BRD4: variants seen among roughly 807,000 people sequenced by gnomAD.
The protein encoded by BRD4 is bromodomain containing 4.
In BRD4, 16 loss-of-function variants were observed where a neutral mutation model predicts 142.1. The observed-to-expected ratio is 0.11, with a 90% confidence interval of 0.08 to 0.17. The LOEUF is 0.17. BRD4 is among the 10% of genes least tolerant of loss of function. The pLI is 1.00. For missense variants in BRD4, 1,424 were observed against 1,810.9 expected, an observed-to-expected ratio of 0.79 and a Z score of 3.88; for synonymous variants, 833 against 707.5, an observed-to-expected ratio of 1.18 and a Z score of -2.82.
intron 1 of BRD4, among the ~76,000 whole-genome samples, chr19:15,301,457 A>C (rs1305758347): frequency 6.6e-6 from 1 of 152,104 alleles, no homozygotes; most frequent in African/African-American, 2.4e-5. Flanking sequence ...GGTACTCAGG[A>C]GGCTGAAGCA....
intron 1 of BRD4, among the ~76,000 whole-genome samples, chr19:15,305,143 C>A (rs920649573): frequency 3.9e-5 from 6 of 151,904 alleles, no homozygotes; most frequent in Admixed American, 2.6e-4. Flanking sequence ...CTCAGCCTCC[C>A]GAGTAGCTGG....
chr19:15,271,942 T>C (rs557351349), intron 2 of BRD4, among the ~76,000 whole-genome samples: 3 of 151,950 alleles, frequency 2.0e-5, no homozygotes, highest in African/African-American at 7.3e-5. Context: ...CACACACCAG[T>C]GGCTCTGGTG....
chr19:15,325,299 T>A (rs997377602), intron 1 of BRD4, among the ~76,000 whole-genome samples: 3 of 152,186 alleles, frequency 2.0e-5, no homozygotes, highest in African/African-American at 7.2e-5. Flanking sequence ...ACTGGTGTTA[T>A]CAGTCTTTGG....
At chr19:15,306,463 G>A (rs2047914919) in intron 1 of BRD4, among the ~76,000 whole-genome samples, 1 of 151,942 alleles carries the variant, frequency 6.6e-6, no homozygotes, top group Non-Finnish European at 1.5e-5. Context: ...TGAAGACGAG[G>A]CCTCACTATG....
intron 1 of BRD4, among the ~76,000 whole-genome samples, chr19:15,291,911 G>T (rs1312887113): frequency 6.6e-6 from 1 of 152,106 alleles, no homozygotes; most frequent in East Asian, 1.9e-4. Context: ...TCAAACGAAG[G>T]TTCAGTCATC....
At chr19:15,302,178 A>C (rs547630008) in intron 1 of BRD4, among the ~76,000 whole-genome samples, 2 of 151,752 alleles carry the variant, frequency 1.3e-5, no homozygotes, top group African/African-American at 2.4e-5. Context: ...AAAAAAAAAA[A>C]GGGGAATTTT....
intron 14 of BRD4, among the ~76,000 whole-genome samples, chr19:15,242,520 TCTG>T (rs982092960): frequency 3.9e-5 from 6 of 152,060 alleles, no homozygotes; most frequent in African/African-American, 1.2e-4. Context: ...CATTCTTCAC[TCTG>T]CTAAGTTAGC....
chr19:15,260,070 T>C (rs2047452999), intron 7 of BRD4, among the ~76,000 whole-genome samples: 1 of 147,886 alleles, frequency 6.8e-6, no homozygotes, highest in Non-Finnish European at 1.5e-5. Context: ...CCCAGCCCCC[T>C]GCCCGGCATC....
At chr19:15,289,564 TAAATAAATA>T (rs2047765432) in intron 1 of BRD4, among the ~76,000 whole-genome samples, 1 of 146,634 alleles carries the variant, frequency 6.8e-6, no homozygotes, top group Non-Finnish European at 1.5e-5. Context: ...AATAAATAAA[TAAATAAATA>T]AAATAAATCA....
intron 1 of BRD4, among the ~76,000 whole-genome samples, chr19:15,297,344 CGCT>C (rs1394697535): frequency 3.3e-5 from 5 of 152,234 alleles, no homozygotes; most frequent in Non-Finnish European, 5.9e-5. Flanking sequence ...ACTTGAGAGC[CGCT>C]GCTAAGAAAA....
At chr19:15,278,604 T>C (rs1409620146) in intron 1 of BRD4, among the ~76,000 whole-genome samples, 1 of 141,480 alleles carries the variant, frequency 7.1e-6, no homozygotes, top group Admixed American at 7.0e-5. Flanking sequence ...TATATATTCC[T>C]GTTTTTTTTT....
intron 1 of BRD4, 130 bp from the exon 2 acceptor site, chr19:15,273,263 G>C (rs1444081685): frequency 9.4e-6 from 8 of 850,006 alleles, no homozygotes; most frequent in African/African-American, 3.4e-5. Context: ...GTTGGCCAGA[G>C]GGACCACCCC....
intron 3 of BRD4, 81 bp downstream of exon 3, chr19:15,268,824 C>T (rs2047558905): frequency 6.5e-7 from 1 of 1,528,956 alleles, no homozygotes; most frequent in Non-Finnish European, 8.9e-7. Context: ...CACCCCTGCC[C>T]ACGGGCTCCT....
chr19:15,278,676 C>T (rs758127658), intron 1 of BRD4, among the ~76,000 whole-genome samples: 8 of 151,536 alleles, frequency 5.3e-5, no homozygotes, highest in Non-Finnish European at 7.4e-5. Flanking sequence ...GCTTAACCAC[C>T]TAATAAACAA....
At chr19:15,268,800 C>T (rs1246016921) in intron 3 of BRD4, 105 bp downstream of exon 3, 18 of 1,333,810 alleles carry the variant, frequency 1.3e-5, no homozygotes, top group Non-Finnish European at 1.6e-5. Flanking sequence ...GACTCCAAGC[C>T]CAGCCACACC....
Position 15,257,189 on chromosome 19 carries a change from C to T in BRD4, c.1342-16G>A. ...CGAACACATCCTGGTGAGGGAAAGA[C>T]ATGCTGTGACGGCTGCTGGGTACCC... On this transcript the variant is annotated splice_polypyrimidine_tract_variant and intron_variant, in intron 7 of 19. Coordinates refer to ENST00000679869, the MANE Select transcript of BRD4 (RefSeq NM_001379291.1). The T allele has an allele frequency of 1.9e-6, 3 of 1,587,490 alleles. No individual in the cohort carries two copies. The highest frequency in any genetic ancestry group is 2.6e-6 in the Non-Finnish European group (3 of 1,167,738).
chr19:15,277,938 CTACTAAAAA>C (rs1170875016), intron 1 of BRD4, among the ~76,000 whole-genome samples: 2 of 151,188 alleles, frequency 1.3e-5, no homozygotes, highest in South Asian at 4.2e-4. Flanking sequence ...AACCCCATCT[CTACTAAAAA>C]TACAAAAAAT....
At chr19:15,295,514 G>A (rs1439209034) in intron 1 of BRD4, among the ~76,000 whole-genome samples, 4 of 152,140 alleles carry the variant, frequency 2.6e-5, no homozygotes, top group Non-Finnish European at 5.9e-5. Flanking sequence ...CAATCACAGG[G>A]TATCTACTTA....
At chr19:15,311,278 C>T (rs560731479) in intron 1 of BRD4, among the ~76,000 whole-genome samples, 1 of 149,324 alleles carries the variant, frequency 6.7e-6, no homozygotes, top group Non-Finnish European at 1.5e-5. Context: ...GGCAACAGAG[C>T]GAAACTCTGT....
Sources: gnomAD v4.1 joint callset for allele counts (sites outside exome capture counted in the v4.1 genomes callset) on GRCh38, gnomAD v4.1.1 for gene constraint, MANE v1.5 for transcripts, NCBI Gene and HGNC (gene_info 2026-07-23, HGNC 2026-07-21) for gene names.